Variants in COL6A5 observed in about 807,000 individuals in gnomAD.
COL6A5 encodes collagen type VI alpha 5 chain, also known as collagen alpha-5(VI) chain.
Under a neutral mutation model 65.6 loss-of-function variants are expected in COL6A5, and 48 were observed. The observed-to-expected ratio is 0.73, with a 90% CI of 0.58 to 0.93. The LOEUF is 0.93. Among genes scored for constraint, COL6A5 ranks in the 40% least tolerant of loss-of-function variants. COL6A5 has a pLI of 0.00. For synonymous variants in COL6A5, 291 were observed against 322.8 expected (o/e 0.90, Z 1.05); for missense variants, 914 against 928.3 (o/e 0.98, Z 0.20).
chr3:130,431,315 C>T (rs767480360), upstream of COL6A5: 2 of 872,006 alleles, frequency 2.3e-6, no homozygotes, highest in African/African-American at 3.3e-5. Context: ...AGATTTCTTT[C>T]CTTTCTTTGC....
At chr3:130,420,896 C>T (rs993497414) in intron 25 of COL6A5, among the ~76,000 whole-genome samples, 4 of 152,080 alleles carry the variant, frequency 2.6e-5, no homozygotes, top group Non-Finnish European at 4.4e-5. Flanking sequence ...CTGCCACTGA[C>T]TCCACAAGTC....
intron 3 of COL6A5, among the ~76,000 whole-genome samples, chr3:130,378,408 G>A (rs1935864831): frequency 6.6e-6 from 1 of 152,130 alleles, no homozygotes; most frequent in Non-Finnish European, 1.5e-5. Flanking sequence ...TCTAAGTCAT[G>A]TATCAAAACT....
chr3:130,430,034 C>A (rs180687503), upstream of COL6A5, among the ~76,000 whole-genome samples: 1 of 152,296 alleles, frequency 6.6e-6, no homozygotes, highest in Admixed American at 6.5e-5. Flanking sequence ...GGATGGTCTT[C>A]CCAGGGCCTA....
chr3:130,410,216 T>G, intron 19 of COL6A5, 142 bp downstream of exon 19: 2 of 699,094 alleles, frequency 2.9e-6, no homozygotes, highest in Non-Finnish European at 4.8e-6. Flanking sequence ...ATGATGCATA[T>G]TTGTAGTAGG....
intron 4 of COL6A5, among the ~76,000 whole-genome samples, chr3:130,444,839 T>C (rs1007078981): frequency 6.6e-6 from 1 of 152,214 alleles, no homozygotes; most frequent in Non-Finnish European, 1.5e-5. Context: ...TTTTTAAATT[T>C]AGTTATGTCC....
chr3:130,436,983 G>T (rs75216871), intron 1 of COL6A5, among the ~76,000 whole-genome samples: 4,819 of 152,162 alleles, frequency 0.032, 102 homozygotes, highest in South Asian at 0.089. Flanking sequence ...CCACTTGCAT[G>T]CTAATGGATG....
chr3:130,484,068 G>C (rs1389469917), exon 8 of COL6A5: 1 of 1,605,500 alleles, frequency 6.2e-7, no homozygotes, highest in South Asian at 1.1e-5. Flanking sequence ...TAGGAGAAAA[G>C]AAGATAGCTC....
chr3:130,453,948 G>C (rs819086), intron 4 of COL6A5, among the ~76,000 whole-genome samples: 2 of 152,132 alleles, frequency 1.3e-5, no homozygotes, highest in Non-Finnish European at 2.9e-5. Flanking sequence ...TCTGAAGGAC[G>C]ATGTGGCACT....
intron 1 of COL6A5, among the ~76,000 whole-genome samples, chr3:130,436,109 A>G (rs1230381681): frequency 2.0e-5 from 3 of 152,116 alleles, no homozygotes; most frequent in Non-Finnish European, 2.9e-5. Flanking sequence ...TTAAATCTCT[A>G]TAAATCTGAT....
rs1485270240 is a variant in COL6A5, at chr3:130,347,895, A to G, written c.-29+1914A>G. On this transcript the variant is annotated intron_variant and NMD_transcript_variant, in intron 1 of 41. Coordinates refer to the COL6A5 transcript ENST00000312481. ...AAGGAAGAGGAGTTGGGCACTGGGC[A>G]AAGTTGGGATCTAAGATAAAACGAG... Among the ~76,000 whole-genome samples the G allele has an allele frequency of 5.3e-5, 8 of 152,288 alleles. No homozygotes were observed. The East Asian group carries it at 1.5e-3, about 29-fold the overall frequency.
At chr3:130,457,140 G>T (rs1270343026) in intron 5 of COL6A5, among the ~76,000 whole-genome samples, 2 of 151,952 alleles carry the variant, frequency 1.3e-5, no homozygotes, top group African/African-American at 2.4e-5. Context: ...GATGTTAATT[G>T]TGCATGTTCA....
chr3:130,426,376 C>A, exon 31 of COL6A5: 1 of 1,551,320 alleles, frequency 6.4e-7, no homozygotes. Flanking sequence ...GCAATGTGAT[C>A]TGATCCGGTT....
intron 1 of COL6A5, among the ~76,000 whole-genome samples, chr3:130,347,685 A>G (rs1218064738): frequency 1.3e-5 from 2 of 152,230 alleles, no homozygotes; most frequent in East Asian, 1.9e-4. Flanking sequence ...AGTTCAAATC[A>G]TCTTCCAAAA....
At chr3:130,416,966 T>C (rs962875815) in intron 24 of COL6A5, 147 bp downstream of exon 24, 4 of 578,474 alleles carry the variant, frequency 6.9e-6, no homozygotes, top group Admixed American at 3.3e-5. Flanking sequence ...GTGCAGAACA[T>C]GCAGGTTTGT....
At chr3:130,376,560 A>G in exon 3 of COL6A5, 2 of 1,605,702 alleles carry the variant, frequency 1.2e-6, no homozygotes, top group South Asian at 1.1e-5. Flanking sequence ...TGGGAGAGAC[A>G]GGAAACAGTT....
intron 4 of COL6A5, among the ~76,000 whole-genome samples, chr3:130,447,931 T>C (rs1049106575): frequency 2.0e-5 from 3 of 152,214 alleles, no homozygotes; most frequent in African/African-American, 7.2e-5. Context: ...GTCATTTTTA[T>C]AAAATCAAAC....
intron 4 of COL6A5, among the ~76,000 whole-genome samples, chr3:130,382,227 C>T (rs867980814): frequency 1.6e-4 from 24 of 152,066 alleles, no homozygotes; most frequent in Middle Eastern, 3.4e-3. Context: ...AACAAACAAA[C>T]AAACAACAAC....
At chr3:130,444,885 T>C (rs1387378862) in intron 4 of COL6A5, among the ~76,000 whole-genome samples, 1 of 152,220 alleles carries the variant, frequency 6.6e-6, no homozygotes, top group Non-Finnish European at 1.5e-5. Flanking sequence ...GAAGTTGTCC[T>C]TTGACCATTT....
exon 7 of COL6A5, chr3:130,391,355 C>T (rs1202396788): frequency 6.4e-7 from 1 of 1,551,688 alleles, no homozygotes; most frequent in Admixed American, 2.0e-5. Context: ...ACCTAACATC[C>T]TTTTCTACCT....
Sources: allele counts gnomAD v4.1 joint callset (sites outside exome capture counted in the v4.1 genomes callset), GRCh38; gene constraint gnomAD v4.1.1; transcripts MANE v1.5; gene names NCBI Gene and HGNC (gene_info 2026-07-23, HGNC 2026-07-21).